The following COL25A1 variants were observed in gnomAD, a reference collection of about 807,000 sequenced individuals.
COL25A1 encodes collagen alpha-1(XXV) chain.
A neutral mutation model predicts 128.4 loss-of-function variants in COL25A1; 103 were observed. The ratio of observed to expected loss-of-function variants is 0.80; its 90% CI spans 0.68 to 0.94. COL25A1 has a LOEUF of 0.94. COL25A1 is among the 40% of genes least tolerant of loss of function. COL25A1 has a pLI of 0.00. For missense variants in COL25A1, 745 were observed against 840.0 expected (o/e 0.89, Z 1.40); for synonymous variants, 279 against 277.2 (o/e 1.01, Z -0.06).
chr4:109,081,660 A>G (rs1367097388), intron 3 of COL25A1, among the ~76,000 whole-genome samples: 1 of 148,622 alleles, frequency 6.7e-6, no homozygotes, highest in Non-Finnish European at 1.5e-5. Flanking sequence ...ACCCATCTCC[A>G]CCCCCAACCC....
In COL25A1 at chr4:108,846,114, A is replaced by G. The variant is rs60779610; in HGVS notation, c.1515+25T>C. 2,611 of 1,457,724 alleles carry G rather than the reference A, an allele frequency of 1.8e-3. 43 individuals carry two copies. The African/African-American group carries it at 0.033, about 18-fold the overall frequency. The allele number at this position is 1,457,724 out of a possible 1,614,324, so 90.3% of individuals were successfully genotyped here. ...AATAAGAACATAATATAAAAAGTAT[A>G]AACAAACAGAAAGTATAAACATACC... is the stretch of plus-strand genomic sequence containing the variant. On this transcript the variant is annotated intron_variant, in intron 28 of 37. Coordinates refer to ENST00000399132, the MANE Select transcript of COL25A1 (RefSeq NM_198721.4).
chr4:109,280,368 G>A (rs915688577), intron 3 of COL25A1, among the ~76,000 whole-genome samples: 1 of 152,162 alleles, frequency 6.6e-6, no homozygotes, highest in East Asian at 1.9e-4. Flanking sequence ...TGTTTAACCT[G>A]AATCTTACCA....
chr4:109,039,530 AT>A (rs1215467791), intron 5 of COL25A1, among the ~76,000 whole-genome samples: 1 of 152,182 alleles, frequency 6.6e-6, no homozygotes, highest in East Asian at 1.9e-4. Flanking sequence ...ATCCAGAGGC[AT>A]TCCTGATCCC....
chr4:109,218,732 C>T (rs1205321572), intron 3 of COL25A1, among the ~76,000 whole-genome samples: 1 of 152,078 alleles, frequency 6.6e-6, no homozygotes, highest in African/African-American at 2.4e-5. Flanking sequence ...CCTTTGAACA[C>T]ATCACATGTC....
chr4:109,254,472 TATATATATATA>T (rs1780920901), intron 3 of COL25A1, among the ~76,000 whole-genome samples: 2 of 82,942 alleles, frequency 2.4e-5, no homozygotes, highest in South Asian at 1.0e-3. Flanking sequence ...CATATGTTTA[TATATATATATA>T]TATATATATA....
At chr4:109,050,110 C>T in intron 4 of COL25A1, 25 bp downstream of exon 4, 4 of 1,601,218 alleles carry the variant, frequency 2.5e-6, no homozygotes, top group Non-Finnish European at 3.4e-6. Context: ...ATGAGTGACA[C>T]AGAGCAGCTG....
chr4:109,123,856 C>G (rs1361840185), intron 3 of COL25A1, among the ~76,000 whole-genome samples: 1 of 151,998 alleles, frequency 6.6e-6, no homozygotes, highest in South Asian at 2.1e-4. Context: ...TCTTGAAACC[C>G]CTGTATCTCC....
At chr4:109,232,015 A>T (rs1206296174) in intron 3 of COL25A1, among the ~76,000 whole-genome samples, 1 of 152,212 alleles carries the variant, frequency 6.6e-6, no homozygotes, top group Non-Finnish European at 1.5e-5. Context: ...TTCTGAAGTC[A>T]TCATTTCAAT....
chr4:109,239,917 A>G (rs1779771264), intron 3 of COL25A1, among the ~76,000 whole-genome samples: 1 of 152,014 alleles, frequency 6.6e-6, no homozygotes, highest in Non-Finnish European at 1.5e-5. Flanking sequence ...TAAAAAACTA[A>G]AACACAAACA....
At chr4:108,829,027 C>T (rs757789138) in intron 32 of COL25A1, among the ~76,000 whole-genome samples, 1 of 152,116 alleles carries the variant, frequency 6.6e-6, no homozygotes, top group Non-Finnish European at 1.5e-5. Context: ...AAAGTTTGAA[C>T]TTTTATTCAT....
intron 3 of COL25A1, among the ~76,000 whole-genome samples, chr4:109,115,025 A>G (rs985621298): frequency 3.4e-4 from 52 of 152,102 alleles, no homozygotes; most frequent in African/African-American, 1.2e-3. Context: ...TTAAAAATTT[A>G]TGAACATAGG....
chr4:109,207,103 T>A (rs539027575), intron 3 of COL25A1, among the ~76,000 whole-genome samples: 38 of 152,318 alleles, frequency 2.5e-4, no homozygotes, highest in African/African-American at 8.9e-4. Context: ...CTTTAATGAC[T>A]CTGGCTAACT....
chr4:109,224,523 T>TA (rs11340619), intron 3 of COL25A1, among the ~76,000 whole-genome samples: 37 of 150,642 alleles, frequency 2.5e-4, no homozygotes, highest in Non-Finnish European at 3.4e-4. Flanking sequence ...CCTTAAAGTT[T>TA]AAAAAAAAAA....
chr4:109,233,840 A>C (rs2126223412), intron 3 of COL25A1, among the ~76,000 whole-genome samples: 1 of 152,264 alleles, frequency 6.6e-6, no homozygotes, highest in East Asian at 1.9e-4. Context: ...ACTGCTTGAT[A>C]GGTACAACTC....
At chr4:108,974,811 C>G (rs1190933580) in intron 6 of COL25A1, among the ~76,000 whole-genome samples, 2 of 152,170 alleles carry the variant, frequency 1.3e-5, no homozygotes, top group African/African-American at 4.8e-5. Context: ...TTCACAAACT[C>G]AGCACATGTA....
At chr4:108,814,293 T>G (rs1468447419) in intron 37 of COL25A1, among the ~76,000 whole-genome samples, 4 of 148,514 alleles carry the variant, frequency 2.7e-5, no homozygotes, top group Non-Finnish European at 6.1e-5. Flanking sequence ...AATTTTGTAT[T>G]TGTAACCTAC....
rs370835759 is a variant in COL25A1, at chr4:108,867,607, A to G, written c.1083+1481T>C. On this transcript the variant is annotated intron_variant, in intron 20 of 37. Transcript: ENST00000399132. ...CTAGGTTTAGAGTTATTTTCACTTG[A>G]CCAGCAGAAATGAGGGCCCTTCTGT... 2.5e-4 allele frequency among the ~76,000 whole-genome samples: 38 copies of G among 152,302 alleles called. No homozygotes were observed. In the South Asian group the frequency reaches 7.9e-3, roughly 32 times the overall value.
intron 3 of COL25A1, among the ~76,000 whole-genome samples, chr4:109,073,827 G>A (rs1366097846): frequency 6.6e-6 from 1 of 151,928 alleles, no homozygotes; most frequent in African/African-American, 2.4e-5. Context: ...TTCACTAGTT[G>A]GATTCTACTA....
rs561153710 is a variant in COL25A1 at position 108,928,686 on chromosome 4, G to A, written c.709-8082C>T. Among the ~76,000 whole-genome samples the A allele has an allele frequency of 2.0e-3, 304 of 151,998 alleles. 3 individuals carry two copies. The highest frequency in any genetic ancestry group is 6.7e-3 in the African/African-American group (276 of 41,458). On this transcript the variant is annotated intron_variant, in intron 11 of 37. Coordinates refer to ENST00000399132, the MANE Select transcript of COL25A1 (RefSeq NM_198721.4). Reference sequence around the variant, plus strand: ...GCCCCATAAGTAGCTGGGACTACACGCATGAGCCACCAAGACTAATTTTTG... The same window carrying A: ...GCCCCATAAGTAGCTGGGACTACACACATGAGCCACCAAGACTAATTTTTG...
Sources: gnomAD v4.1 joint callset for allele counts (sites outside exome capture counted in the v4.1 genomes callset) on GRCh38, gnomAD v4.1.1 for gene constraint, MANE v1.5 for transcripts, NCBI Gene and HGNC (gene_info 2026-07-23, HGNC 2026-07-21) for gene names.